Variants in IPO8 observed in about 807,000 individuals in gnomAD.
IPO8 encodes the protein importin-8.
IPO8 carries 65 observed loss-of-function variants against 141.2 expected under a neutral mutation model. That is an observed-to-expected ratio of 0.46 (90% CI 0.38 to 0.57). The LOEUF (loss-of-function observed/expected upper bound fraction) is 0.57, where lower values mean the gene tolerates loss of function less well. IPO8 is among the 20% of genes least tolerant of loss of function. The probability of loss-of-function intolerance (pLI) is 0.00; values close to 1 mark genes in which losing one functional copy is unlikely to be tolerated. For synonymous variants in IPO8, 411 were observed against 420.3 expected (o/e 0.98, Z 0.27); for missense variants, 980 against 1,246.8 (o/e 0.79, Z 3.22).
At chr12:30,675,943 A>G (rs1296847515) in intron 6 of IPO8, among the ~76,000 whole-genome samples, 1 of 152,144 alleles carries the variant, frequency 6.6e-6, no homozygotes, top group Non-Finnish European at 1.5e-5. Flanking sequence ...GAATTTCAAA[A>G]TATTATCAAT....
intron 14 of IPO8, 200 bp from the exon 15 acceptor site, chr12:30,662,687 A>G (rs1024013186): frequency 3.3e-6 from 2 of 600,432 alleles, no homozygotes; most frequent in Non-Finnish European, 5.9e-6. Context: ...ATATAAGGAT[A>G]AGAAGTCCTG....
intron 20 of IPO8, among the ~76,000 whole-genome samples, chr12:30,645,867 G>A (rs902503907): frequency 4.0e-5 from 6 of 151,230 alleles, no homozygotes; most frequent in South Asian, 2.1e-4. Context: ...ACTACCCACC[G>A]AAAACAAAAC....
Position 30,634,259 on chromosome 12 carries a change from G to A in IPO8, c.2723C>T (p.Thr908Ile). 6.2e-7 allele frequency: 1 copy of A among 1,613,492 alleles called. No homozygotes were observed. The highest frequency in any genetic ancestry group is 8.5e-7 in the Non-Finnish European group (1 of 1,179,654). Residue 908 changes from threonine (T) to isoleucine (I), a missense_variant, in exon 23 of 25, where the codon ACA becomes ATA. Physicochemically the swap from Thr to Ile is moderately conservative, Grantham distance 89 (BLOSUM62 -1). Coordinates refer to ENST00000256079, the MANE Select transcript of IPO8 (RefSeq NM_006390.4). ...NEEISSDEEE[T>I]NVTAQAMQSN... is the part of the protein sequence containing the mutation. ...CTGCATTGCTTGAGCAGTTACATTT[G>A]TCTCCTCTTCATCACTTGAAATCTC...
chr12:30,633,359 A>C (rs554160857), intron 23 of IPO8, among the ~76,000 whole-genome samples: 133 of 152,356 alleles, frequency 8.7e-4, no homozygotes, highest in African/African-American at 3.0e-3. Context: ...TAACTATGGA[A>C]ATACTATCTA....
chr12:30,694,543 G>A (rs1012151532), intron 1 of IPO8, among the ~76,000 whole-genome samples: 6 of 152,170 alleles, frequency 3.9e-5, no homozygotes, highest in Non-Finnish European at 8.8e-5. Flanking sequence ...GGGAGGCACA[G>A]AATCACCTGG....
In IPO8 at chr12:30,653,136, A is replaced by G. The variant is rs1352842353; in HGVS notation, c.1949-44T>C. 3.2e-6 allele frequency: 5 copies of G among 1,579,570 alleles called. No individual in the cohort carries two copies. In the East Asian group the frequency reaches 6.7e-5, roughly 21 times the overall value. On this transcript the variant is annotated intron_variant, in intron 17 of 24. Coordinates refer to ENST00000256079, the MANE Select transcript of IPO8 (RefSeq NM_006390.4). ...CTAGTTAGAATGCTAGGAAATAGCA[A>G]AAGTTAAAACAAAGACCACACAGAG...
At chr12:30,674,501 A>G (rs895886150) in intron 7 of IPO8, among the ~76,000 whole-genome samples, 158 bp downstream of exon 7, 2 of 152,150 alleles carry the variant, frequency 1.3e-5, no homozygotes, top group African/African-American at 4.8e-5. Flanking sequence ...AGATCCAGAG[A>G]AGACCACCCA....
chr12:30,674,856 T>C (rs2053098642), intron 6 of IPO8, 103 bp from the exon 7 acceptor site: 2 of 795,020 alleles, frequency 2.5e-6, no homozygotes, highest in Admixed American at 1.8e-5. Context: ...TCATATTAAA[T>C]GTGAAGTTAG....
In IPO8 at chr12:30,669,646, G is replaced by A. The variant is rs7956011; in HGVS notation, c.1045-364C>T. Among the ~76,000 whole-genome samples the A allele has an allele frequency of 8.5e-3, 1,294 of 151,974 alleles. 23 individuals carry two copies. Among genetic ancestry groups the A allele is most frequent in the South Asian group, 0.054 (262 of 4,818 alleles). ...CATCTCCAAAAAAATACATAAAAAC[G>A]TAGCCAAGCATGGTGGCGTCCATCT... is the stretch of plus-strand genomic sequence containing the variant. On this transcript the variant is annotated intron_variant, in intron 9 of 24. Transcript: ENST00000256079.
Position 30,631,992 on chromosome 12 carries a change from T to A in IPO8, c.2919A>T (p.Ala973=), listed in dbSNP as rs1342434429. 6.2e-7 allele frequency: 1 copy of A among 1,612,430 alleles called. No individual in the cohort carries two copies. The highest frequency in any genetic ancestry group is 8.5e-7 in the Non-Finnish European group (1 of 1,179,698). The change falls in exon 24 of 25, where the codon GCA becomes GCT. Residue 973 remains alanine, a synonymous_variant. Coordinates refer to ENST00000256079, the MANE Select transcript of IPO8 (RefSeq NM_006390.4). The part of the protein sequence containing the change: ...QALITVQSRD[A]AWYQLLMAPL... ...GTGCCATCAGCAGCTGGTACCAGGCTGCATCTCGACTCTGCACAGCTGTTG... is the reference window on the plus strand; with the variant it reads ...GTGCCATCAGCAGCTGGTACCAGGCAGCATCTCGACTCTGCACAGCTGTTG...
intron 20 of IPO8, among the ~76,000 whole-genome samples, chr12:30,642,775 G>C (rs1380525092): frequency 6.6e-6 from 1 of 151,940 alleles, no homozygotes; most frequent in Non-Finnish European, 1.5e-5. Context: ...ACATCTATAA[G>C]ATAAGCCTGG....
chr12:30,684,382 G>T lies in IPO8; in HGVS notation c.242C>A (p.Pro81Gln). ...GCGATCGTTTTCGTGAATGTTGAATGGAAATATTGCTTCTCCTGGTGGAGG... is the reference window on the plus strand; with the variant it reads ...GCGATCGTTTTCGTGAATGTTGAATTGAAATATTGCTTCTCCTGGTGGAGG... ...REPPPGEAIFPFNIHENDRQQ... is the reference protein window; with the variant it reads ...REPPPGEAIFQFNIHENDRQQ... The change falls in exon 3 of 25, where the codon CCA becomes CAA. Residue 81 changes from proline (P) to glutamine (Q), a missense_variant. Pro to Gln is a moderately conservative substitution (Grantham distance 76). Transcript: ENST00000256079. 1.2e-6 allele frequency: 2 copies of T among 1,614,086 alleles called. No individual in the cohort carries two copies. The highest frequency in any genetic ancestry group is 1.7e-6 in the Non-Finnish European group (2 of 1,179,952).
At chr12:30,659,504 CAAAA>C (rs111943394) in intron 16 of IPO8, among the ~76,000 whole-genome samples, 1 of 139,528 alleles carries the variant, frequency 7.2e-6, no homozygotes, top group African/African-American at 2.6e-5. Context: ...AACAAATAAA[CAAAA>C]AAAAAAAAAC....
chr12:30,647,764 T>C (rs1312171970), intron 20 of IPO8, among the ~76,000 whole-genome samples: 2 of 151,972 alleles, frequency 1.3e-5, no homozygotes, highest in Non-Finnish European at 2.9e-5. Flanking sequence ...GGCTTCAATG[T>C]AGAATATATA....
intron 5 of IPO8, among the ~76,000 whole-genome samples, chr12:30,678,740 G>T (rs750366029): frequency 3.9e-5 from 6 of 152,146 alleles, no homozygotes; most frequent in Non-Finnish European, 7.3e-5. Flanking sequence ...TTGATATAGG[G>T]AACAGAGGAG....
At chr12:30,671,399 C>T (rs1179297376) in intron 8 of IPO8, among the ~76,000 whole-genome samples, 1 of 152,134 alleles carries the variant, frequency 6.6e-6, no homozygotes, top group Non-Finnish European at 1.5e-5. Context: ...AGGAGCCGGG[C>T]ACGGTGGCTC....
chr12:30,680,539 G>T lies in IPO8; in HGVS notation c.582C>A (p.Ser194=). 1 of 1,612,582 alleles carries T rather than the reference G, an allele frequency of 6.2e-7. No homozygotes were observed. The highest frequency in any genetic ancestry group is 8.5e-7 in the Non-Finnish European group (1 of 1,179,042). The part of the protein sequence containing the change: ...QQIVQLLPDS[S]YYSVLLQKQI... ...GTTTCTGCAGTAATACAGAATAATAGGAGGAATCAGGAAGGAGCTGAACAA... is the reference window on the plus strand; with the variant it reads ...GTTTCTGCAGTAATACAGAATAATATGAGGAATCAGGAAGGAGCTGAACAA... The change falls in exon 5 of 25, where the codon TCC becomes TCA. Residue 194 remains serine (S), a synonymous_variant. Coordinates refer to ENST00000256079, the MANE Select transcript of IPO8 (RefSeq NM_006390.4).
At chr12:30,639,428 T>G (rs2052547268) in intron 21 of IPO8, 87 bp downstream of exon 21, 2 of 806,590 alleles carry the variant, frequency 2.5e-6, no homozygotes, top group African/African-American at 1.8e-5. Context: ...ACATGAAAAT[T>G]ATCTTTGTAC....
chr12:30,690,064 G>A (rs770089837), intron 2 of IPO8, among the ~76,000 whole-genome samples: 7 of 152,180 alleles, frequency 4.6e-5, no homozygotes, highest in Admixed American at 1.3e-4. Flanking sequence ...GTCCTGCTCC[G>A]CAGTCACCTG....
Sources: gnomAD v4.1 joint callset for allele counts (sites outside exome capture counted in the v4.1 genomes callset) on GRCh38, gnomAD v4.1.1 for gene constraint, MANE v1.5 for transcripts, NCBI Gene and HGNC (gene_info 2026-07-23, HGNC 2026-07-21) for gene names.